The following RNPEPL1 variants were observed in gnomAD, a reference collection of about 807,000 sequenced individuals.
RNPEPL1 encodes the protein aminopeptidase RNPEPL1.
RNPEPL1 carries 46 observed loss-of-function variants against 69.0 expected under a neutral mutation model. The ratio of observed to expected loss-of-function variants is 0.67; its 90% CI spans 0.53 to 0.85. The LOEUF (loss-of-function observed/expected upper bound fraction) is 0.85. RNPEPL1 is among the 40% of genes least tolerant of loss of function. The pLI is 0.00. For missense variants in RNPEPL1, 869 were observed against 992.5 expected (o/e 0.88, Z 1.67); for synonymous variants, 525 against 454.1 (o/e 1.16, Z -1.98).
At chr2:240,570,786 C>T (rs1386268590) in intron 1 of RNPEPL1, among the ~76,000 whole-genome samples, 1 of 152,210 alleles carries the variant, frequency 6.6e-6, no homozygotes, top group Non-Finnish European at 1.5e-5. Context: ...CCCGGGTGCC[C>T]TGACGGGGAT....
In RNPEPL1 at chr2:240,574,246, A is replaced by G; in HGVS notation, c.1072A>G (p.Ser358Gly). The change falls in exon 5 of 11, where the codon AGT becomes GGT. Residue 358 changes from serine (S) to glycine (G), a missense_variant. This residue lies in a region of RNPEPL1 where 610 missense variants were observed against 790.9 expected (regional missense o/e 0.77). Coordinates refer to ENST00000270357, the MANE Select transcript of RNPEPL1 (RefSeq NM_018226.6). ...VIDVIHEVAHSWFGNAVTNAT... is the reference protein window; with the variant it reads ...VIDVIHEVAHGWFGNAVTNAT... ...CGATGTCATCCACGAGGTGGCCCAC[A>G]GTTGGTTCGGCAACGCTGTCACCAA... 1.2e-6 allele frequency: 2 copies of G among 1,612,900 alleles called. No homozygotes were observed. Among genetic ancestry groups the G allele is most frequent in the Non-Finnish European group, 1.7e-6 (2 of 1,179,908 alleles).
At position 240,575,023 on chromosome 2, in the gene RNPEPL1, C is replaced by T. The variant is rs1462787827; in HGVS notation, c.1289-7C>T. ...GACGCCAGCCCAGGTGGGTGTTCAC[C>T]TTGCAGGAGTGAATCCCAGCCACCT... On this transcript the variant is annotated splice_polypyrimidine_tract_variant and splice_region_variant and intron_variant, in intron 6 of 10. Transcript: ENST00000270357. The T allele has an allele frequency of 6.2e-7, 1 of 1,610,926 alleles. No homozygotes were observed. Among genetic ancestry groups the T allele is most frequent in the Non-Finnish European group, 8.5e-7 (1 of 1,177,446 alleles).
chr2:240,573,422 C>T (rs1183184356), intron 3 of RNPEPL1, among the ~76,000 whole-genome samples, 161 bp downstream of exon 3: 1 of 152,178 alleles, frequency 6.6e-6, no homozygotes, highest in Non-Finnish European at 1.5e-5. Flanking sequence ...CCGCCAGGGC[C>T]CTGCCACCCA....
intron 7 of RNPEPL1, 176 bp from the exon 8 acceptor site, chr2:240,575,326 C>T: frequency 2.7e-6 from 2 of 733,478 alleles, no homozygotes; most frequent in Admixed American, 4.7e-5. Flanking sequence ...TTCTGCCACC[C>T]TGTTTGCTCC....
rs1163995430 is a variant in RNPEPL1, at chr2:240,573,100, C to T, written c.670-10C>T. 2 of 1,593,902 alleles carry T rather than the reference C, an allele frequency of 1.3e-6. No individual in the cohort carries two copies. The highest frequency in any genetic ancestry group is 8.6e-7 in the Non-Finnish European group (1 of 1,169,112). On this transcript the variant is annotated splice_polypyrimidine_tract_variant and intron_variant, in intron 2 of 10. Transcript: ENST00000270357. Reference sequence around the variant, plus strand: ...TGGGGCCACCCGGTCTCAGTCCGGCCTCCTTACAGGCGCCATCGGGGGTGC... The same window carrying T: ...TGGGGCCACCCGGTCTCAGTCCGGCTTCCTTACAGGCGCCATCGGGGGTGC...
chr2:240,576,319 A>G (rs1575438724), intron 8 of RNPEPL1: 1 of 592,428 alleles, frequency 1.7e-6, no homozygotes, highest in Non-Finnish European at 3.0e-6. Flanking sequence ...TCACCAACCC[A>G]AGTCTCTGCT....
chr2:240,572,867 G>T (rs1007785316), intron 2 of RNPEPL1, among the ~76,000 whole-genome samples: 3 of 152,268 alleles, frequency 2.0e-5, no homozygotes, highest in African/African-American at 7.2e-5. Context: ...AGTGGGGTCT[G>T]TGGGTCACCG....
rs3749161 is a variant in RNPEPL1 at position 240,577,897 on chromosome 2, G to A, written c.*5G>A. 0.019 allele frequency: 28,592 copies of A among 1,484,298 alleles called. 2,221 individuals carry two copies. The East Asian group carries it at 0.22, about 12-fold the overall frequency. The allele number at this position is 1,484,298 out of a possible 1,614,324, so 91.9% of individuals were successfully genotyped here. A position where few individuals can be genotyped will look rare whatever the true frequency, so the allele number is the denominator to read the frequency against. ...GACGTCAATGTGTCTGCCTAGCCCT[G>A]TTGGCGGGCTGACCCTCGACCTCCC... On this transcript the variant is annotated 3_prime_UTR_variant, in exon 11 of 11. Coordinates refer to ENST00000270357, the MANE Select transcript of RNPEPL1 (RefSeq NM_018226.6).
chr2:240,569,493 G>A (rs1285516030), intron 1 of RNPEPL1, among the ~76,000 whole-genome samples: 2 of 152,250 alleles, frequency 1.3e-5, no homozygotes, highest in African/African-American at 2.4e-5. Context: ...CCAAGCCAGA[G>A]GCAGAGGAAA....
Position 240,578,171 on chromosome 2 carries a change from G to A in RNPEPL1, c.*279G>A. 1 of 337,816 alleles carries A rather than the reference G, an allele frequency of 3.0e-6. No individual in the cohort carries two copies. Among genetic ancestry groups the A allele is most frequent in the East Asian group, 4.5e-5 (1 of 22,456 alleles). 20.9% of individuals were successfully genotyped at this position (337,816 alleles called of 1,614,324 possible). ...CTCCTGTCTCAACACTGACAGCTGT[G>A]CCTAGCCCCGGATGCCAGCACCTGC... On this transcript the variant is annotated 3_prime_UTR_variant, in exon 11 of 11. Coordinates refer to ENST00000270357, the MANE Select transcript of RNPEPL1 (RefSeq NM_018226.6).
At chr2:240,576,171 C>T in intron 8 of RNPEPL1, 1 of 346,990 alleles carries the variant, frequency 2.9e-6, no homozygotes, top group Non-Finnish European at 5.3e-6. Flanking sequence ...GCAGGAATAT[C>T]ATCTTAAGAG....
Position 240,573,823 on chromosome 2 carries a change from G to A in RNPEPL1, c.870G>A (p.Lys290=). 6.4e-7 allele frequency: 1 copy of A among 1,552,008 alleles called. No individual in the cohort carries two copies. The highest frequency in any genetic ancestry group is 1.4e-5 in the African/African-American group (1 of 73,266). Residue 290 remains lysine, a synonymous_variant, in exon 4 of 11, where the codon AAG becomes AAA. Coordinates refer to ENST00000270357, the MANE Select transcript of RNPEPL1 (RefSeq NM_018226.6). ...EPCLLPTATS[K]LSGAVEQWLS... ...GCCTCCTGCCCACGGCCACCAGCAAGCTGTCGGGCGCAGTGGAGCAGTGGC... is the reference window on the plus strand; with the variant it reads ...GCCTCCTGCCCACGGCCACCAGCAAACTGTCGGGCGCAGTGGAGCAGTGGC...
intron 6 of RNPEPL1, 134 bp downstream of exon 6, chr2:240,574,762 G>A (rs1227793417): frequency 6.2e-5 from 52 of 835,130 alleles, no homozygotes; most frequent in Non-Finnish European, 9.1e-5. Flanking sequence ...GGCCAAGCTG[G>A]GAGCCCCTGG....
chr2:240,575,650 G>C (rs2093035506), intron 8 of RNPEPL1, 40 bp downstream of exon 8: 1 of 1,550,666 alleles, frequency 6.4e-7, no homozygotes, highest in Middle Eastern at 1.7e-4. Context: ...GGAGCCGTGG[G>C]TATGATGGCA....
At chr2:240,572,789 G>C (rs939774295) in intron 2 of RNPEPL1, among the ~76,000 whole-genome samples, 1 of 152,210 alleles carries the variant, frequency 6.6e-6, no homozygotes, top group African/African-American at 2.4e-5. Flanking sequence ...TCCTGGACCC[G>C]GGGTGAGTCC....
intron 6 of RNPEPL1, 164 bp from the exon 7 acceptor site, chr2:240,574,866 G>C (rs974451310): frequency 1.6e-5 from 11 of 687,962 alleles, no homozygotes; most frequent in Non-Finnish European, 2.6e-5. Flanking sequence ...AGTCTTCCCC[G>C]AGGCCCTGCC....
At position 240,579,577 on chromosome 2, in the gene RNPEPL1, G is replaced by A. The variant is rs916098494; in HGVS notation, c.*1685G>A. On this transcript the variant is annotated 3_prime_UTR_variant, in exon 11 of 11. Transcript: ENST00000270357. ...TAACCCCTGTGAAAGCGGGTATGGAGGGCACCTGGCAGCCCCTGCTGCATG... is the reference window on the plus strand; with the variant it reads ...TAACCCCTGTGAAAGCGGGTATGGAAGGCACCTGGCAGCCCCTGCTGCATG... 6.6e-6 allele frequency: 1 copy of A among 152,218 alleles called. No individual in the cohort carries two copies. The highest frequency in any genetic ancestry group is 2.4e-5 in the African/African-American group (1 of 41,434). The allele number at this position is 152,218 out of a possible 1,614,324, so 9.4% of individuals were successfully genotyped here.
intron 1 of RNPEPL1, 131 bp from the exon 2 acceptor site, chr2:240,572,292 C>T (rs777443652): frequency 7.6e-5 from 86 of 1,137,486 alleles, no homozygotes; most frequent in Non-Finnish European, 8.8e-5. Flanking sequence ...TATTGGCCCT[C>T]GAACCCAGCA....
Position 240,574,341 on chromosome 2 carries a change from G to A in RNPEPL1, c.1167G>A (p.Glu389=). The change falls in exon 5 of 11, where the codon GAG becomes GAA. Residue 389 remains glutamate, a synonymous_variant. Transcript: ENST00000270357. ...ATYAQRRITT[E]TYGAAFTCLE... is the part of the protein sequence containing the mutation. ...ATGCCCAGCGCCGTATCACCACCGA[G>A]ACCTACGGTGCGGCCAGGGCCGGGG... 6.3e-7 allele frequency: 1 copy of A among 1,598,826 alleles called. No individual in the cohort carries two copies. Among genetic ancestry groups the A allele is most frequent in the Non-Finnish European group, 8.5e-7 (1 of 1,178,046 alleles).
Sources: gnomAD v4.1 joint callset for allele counts (sites outside exome capture counted in the v4.1 genomes callset) on GRCh38, gnomAD v4.1.1 for gene constraint, gnomAD v4.1.1 regional missense constraint, MANE v1.5 for transcripts, NCBI Gene and HGNC (gene_info 2026-07-23, HGNC 2026-07-21) for gene names.